The following RGS18 variants were observed in gnomAD, a reference collection of about 807,000 sequenced individuals.
The protein encoded by RGS18 is regulator of G protein signaling 18.
Under a neutral mutation model 27.6 loss-of-function variants are expected in RGS18, and 22 were observed. The ratio of observed to expected loss-of-function variants is 0.80; its 90% CI spans 0.57 to 1.14. The LOEUF (loss-of-function observed/expected upper bound fraction) is 1.14, where lower values mean the gene tolerates loss of function less well. RGS18 is among the 50% of genes most tolerant of loss of function. The pLI, the probability that RGS18 is intolerant of heterozygous loss-of-function variation, is 0.00. For missense variants in RGS18, 299 were observed against 269.6 expected, an observed-to-expected ratio of 1.11 and a Z score of -0.76; for synonymous variants, 89 against 84.6, an observed-to-expected ratio of 1.05 and a Z score of -0.29.
chr1:192,173,506 G>C (rs1656299028), intron 3 of RGS18, among the ~76,000 whole-genome samples: 3 of 151,742 alleles, frequency 2.0e-5, no homozygotes, highest in African/African-American at 7.3e-5. Context: ...TTTTCTCAAA[G>C]CAAGTATGTA....
chr1:192,164,956 T>C (rs1656138103), intron 3 of RGS18, among the ~76,000 whole-genome samples: 1 of 152,144 alleles, frequency 6.6e-6, no homozygotes, highest in African/African-American at 2.4e-5. Context: ...AAGAACAGGA[T>C]AACAGCAATG....
chr1:192,183,625 G>C (rs1656493182), intron 4 of RGS18, among the ~76,000 whole-genome samples: 1 of 151,508 alleles, frequency 6.6e-6, no homozygotes, highest in African/African-American at 2.4e-5. Flanking sequence ...TCTATATTAG[G>C]CCATTCTTGC....
chr1:192,167,554 G>A (rs1656184094), intron 3 of RGS18, among the ~76,000 whole-genome samples: 1 of 151,866 alleles, frequency 6.6e-6, no homozygotes, highest in Admixed American at 6.6e-5. Flanking sequence ...CAAGTAGCTG[G>A]GATTTCAGAA....
At chr1:192,175,235 A>C (rs1571391504) in intron 3 of RGS18, among the ~76,000 whole-genome samples, 1 of 151,942 alleles carries the variant, frequency 6.6e-6, no homozygotes, top group Non-Finnish European at 1.5e-5. Flanking sequence ...TGCTATTTCC[A>C]ACATTTTAGA....
In RGS18 at chr1:192,160,442, T is replaced by G; in HGVS notation, c.283+3T>G. 6.2e-7 allele frequency: 1 copy of G among 1,602,368 alleles called. No individual in the cohort carries two copies. The highest frequency in any genetic ancestry group is 8.6e-7 in the Non-Finnish European group (1 of 1,169,588). On this transcript the variant is annotated splice_donor_region_variant and intron_variant, in intron 3 of 4. Coordinates refer to ENST00000367460, the MANE Select transcript of RGS18 (RefSeq NM_130782.3). ...TGACAAACTGCTTTCCCATAGAGGT[T>G]AGTGGTACTTTCACCAAATACTTTG...
intron 3 of RGS18, among the ~76,000 whole-genome samples, chr1:192,174,186 A>G (rs147785361): frequency 2.5e-4 from 38 of 151,896 alleles, no homozygotes; most frequent in African/African-American, 9.2e-4. Context: ...TGTTTACTAC[A>G]TATTTATCAC....
At chr1:192,160,959 C>A (rs188850157) in intron 3 of RGS18, among the ~76,000 whole-genome samples, 4 of 152,292 alleles carry the variant, frequency 2.6e-5, no homozygotes, top group African/African-American at 7.2e-5. Flanking sequence ...AGGCCATTCT[C>A]CTGCCTCAGC....
rs780796815 is a variant in RGS18 at position 192,184,596 on chromosome 1, C to G, written c.*42C>G. 3.9e-6 allele frequency: 6 copies of G among 1,549,692 alleles called. No homozygotes were observed. In the Admixed American group the frequency reaches 6.9e-5, roughly 18 times the overall value. The stretch of plus-strand genomic sequence containing the variant: ...TCATTTTTATGACAAACTTATACAT[C>G]TGCTTCTAACATATCGCATGTTTAT... On this transcript the variant is annotated 3_prime_UTR_variant, in exon 5 of 5. Transcript: ENST00000367460.
chr1:192,184,708 A>G lies in RGS18; in HGVS notation c.*154A>G. On this transcript the variant is annotated 3_prime_UTR_variant, in exon 5 of 5. Transcript: ENST00000367460. The stretch of plus-strand genomic sequence containing the variant: ...AAAAACAAAACTTTCTGCTAACAAA[A>G]TACATACAGTATCTGCCAGTATATT... 1.5e-6 allele frequency: 1 copy of G among 670,026 alleles called. No homozygotes were observed. The highest frequency in any genetic ancestry group is 2.5e-6 in the Non-Finnish European group (1 of 398,070). 41.5% of individuals were successfully genotyped at this position (670,026 alleles called of 1,614,324 possible).
chr1:192,173,636 G>C (rs901432360), intron 3 of RGS18, among the ~76,000 whole-genome samples: 1 of 151,790 alleles, frequency 6.6e-6, no homozygotes, highest in Non-Finnish European at 1.5e-5. Context: ...AGGGCTACCA[G>C]ATCTTCCACT....
intron 3 of RGS18, among the ~76,000 whole-genome samples, chr1:192,162,264 T>G (rs1183983052): frequency 5.3e-5 from 8 of 152,130 alleles, no homozygotes; most frequent in African/African-American, 1.9e-4. Flanking sequence ...CTGTTTTTTG[T>G]TTGTTTTCTT....
intron 3 of RGS18, chr1:192,163,756 G>A (rs1656112200): frequency 6.6e-6 from 1 of 151,496 alleles, no homozygotes. Context: ...ATATTAAATT[G>A]TCAAACTTAA....
intron 3 of RGS18, among the ~76,000 whole-genome samples, chr1:192,161,030 T>G (rs1656060929): frequency 6.6e-6 from 1 of 152,134 alleles, no homozygotes; most frequent in Non-Finnish European, 1.5e-5. Context: ...TTTTGTATTT[T>G]TAGTAGAGAC....
At chr1:192,176,276 T>C (rs919857651) in intron 3 of RGS18, among the ~76,000 whole-genome samples, 1 of 151,814 alleles carries the variant, frequency 6.6e-6, no homozygotes, top group Non-Finnish European at 1.5e-5. Flanking sequence ...CATGTTTCCT[T>C]TTTTCAGTAG....
At chr1:192,173,353 T>G (rs1328267219) in intron 3 of RGS18, among the ~76,000 whole-genome samples, 1 of 151,928 alleles carries the variant, frequency 6.6e-6, no homozygotes, top group African/African-American at 2.4e-5. Flanking sequence ...TCTATAATCA[T>G]GAGAGATATT....
In RGS18 at chr1:192,175,193, A is replaced by G. The variant is rs182312664; in HGVS notation, c.284-6099A>G. ...TTTTTTAACCTTTGTGTTTTTCAAA[A>G]AATTTATATGAGCTTTTTTAAAGTT... On this transcript the variant is annotated intron_variant, in intron 3 of 4. Coordinates refer to ENST00000367460, the MANE Select transcript of RGS18 (RefSeq NM_130782.3). 1.4e-4 allele frequency among the ~76,000 whole-genome samples: 22 copies of G among 151,946 alleles called. 1 individual carries two copies. The highest frequency in any genetic ancestry group is 5.1e-4 in the African/African-American group (21 of 41,520).
intron 3 of RGS18, among the ~76,000 whole-genome samples, chr1:192,161,939 T>C (rs1321489944): frequency 6.6e-6 from 1 of 152,248 alleles, no homozygotes; most frequent in Non-Finnish European, 1.5e-5. Context: ...CTGAATTTAG[T>C]GATATAAAAA....
rs143011011 is a variant in RGS18, at chr1:192,166,415, C to T, written c.283+5976C>T. Among the ~76,000 whole-genome samples, 266 of 152,024 alleles carry T rather than the reference C, an allele frequency of 1.7e-3. 2 individuals carry two copies. In the Middle Eastern group the frequency reaches 0.02, roughly 12 times the overall value. ...GAAAAGCAGTAAGTTTACTCTGAGG[C>T]AAAGAATAATAAACACATTATATAA... On this transcript the variant is annotated intron_variant, in intron 3 of 4. Transcript: ENST00000367460.
At chr1:192,164,435 A>G (rs562469472) in intron 3 of RGS18, among the ~76,000 whole-genome samples, 1 of 152,276 alleles carries the variant, frequency 6.6e-6, no homozygotes, top group African/African-American at 2.4e-5. Flanking sequence ...CAGAAATCAA[A>G]TGATTCAGGG....
Sources: allele counts gnomAD v4.1 joint callset (sites outside exome capture counted in the v4.1 genomes callset), GRCh38; gene constraint gnomAD v4.1.1; transcripts MANE v1.5; gene names NCBI Gene and HGNC (gene_info 2026-07-23, HGNC 2026-07-21).